The following TAMM41 variants were observed in gnomAD, a reference collection of about 807,000 sequenced individuals.
TAMM41 encodes the protein phosphatidate cytidylyltransferase, mitochondrial.
Under a neutral mutation model 44.1 loss-of-function variants are expected in TAMM41, and 36 were observed. The ratio of observed to expected loss-of-function variants is 0.82; its 90% CI spans 0.63 to 1.08. The LOEUF is 1.08. TAMM41 is among the 50% of genes least tolerant of loss of function. The pLI is 0.00. For missense variants in TAMM41, 417 were observed against 404.3 expected, an observed-to-expected ratio of 1.03 and a Z score of -0.27; for synonymous variants, 164 against 153.1, an observed-to-expected ratio of 1.07 and a Z score of -0.53.
the TAMM41 span, among the ~76,000 whole-genome samples, chr3:11,739,043 C>G: frequency 0.023 from 3,467 of 152,340 alleles, 119 homozygotes; most frequent in African/African-American, 0.079. Flanking sequence ...TCTCTCATGT[C>G]TCCAACATGA....
the TAMM41 span, among the ~76,000 whole-genome samples, chr3:11,763,146 C>A: frequency 7.9e-5 from 12 of 152,154 alleles, no homozygotes; most frequent in Non-Finnish European, 1.6e-4. Context: ...CATCCTCCAC[C>A]TTTTTGTTTT....
intron 3 of TAMM41, among the ~76,000 whole-genome samples, chr3:11,833,860 T>C (rs71304011): frequency 0.011 from 1,651 of 152,318 alleles, 14 homozygotes; most frequent in South Asian, 0.022. Flanking sequence ...ATGGTGATAG[T>C]TGAACTCTGA....
intron 7 of TAMM41, among the ~76,000 whole-genome samples, chr3:11,806,907 C>T (rs779384979): frequency 1.3e-5 from 2 of 151,844 alleles, no homozygotes; most frequent in Non-Finnish European, 1.5e-5. Context: ...GACAACAATC[C>T]TAGAAGTAAA....
the TAMM41 span, among the ~76,000 whole-genome samples, chr3:11,731,006 C>T: frequency 6.6e-6 from 1 of 152,232 alleles, no homozygotes; most frequent in East Asian, 1.9e-4. Context: ...ATTTCCTCAC[C>T]TATATGATGG....
chr3:11,804,926 G>A (rs988238870), intron 7 of TAMM41, among the ~76,000 whole-genome samples: 6 of 149,710 alleles, frequency 4.0e-5, no homozygotes, highest in African/African-American at 1.5e-4. Flanking sequence ...GTGCAGTGGT[G>A]CGTTCTTAGC....
At chr3:11,809,849 G>A (rs1475119853) in intron 5 of TAMM41, 167 bp from the exon 6 acceptor site, 6 of 608,968 alleles carry the variant, frequency 9.9e-6, no homozygotes, top group African/African-American at 5.6e-5. Context: ...GAATGGGTAA[G>A]TGTTCAGGAG....
In TAMM41 at chr3:11,841,429, C is replaced by T. The variant is rs1451401927; in HGVS notation, c.319-2115G>A. On this transcript the variant is annotated intron_variant, in intron 2 of 7. Transcript: ENST00000455809. The stretch of plus-strand genomic sequence containing the variant: ...AATTTGTATAAATCCTGTAGATTTC[C>T]CAGGTTACAAAGTCCCATTTGCATA... Among the ~76,000 whole-genome samples the T allele has an allele frequency of 2.6e-5, 4 of 152,040 alleles. No individual in the cohort carries two copies. The East Asian group carries it at 7.7e-4, about 29-fold the overall frequency.
the TAMM41 span, among the ~76,000 whole-genome samples, chr3:11,773,290 G>C: frequency 6.8e-6 from 1 of 147,916 alleles, no homozygotes; most frequent in African/African-American, 2.5e-5. Context: ...AAGCCCCCAA[G>C]TATTGCTTAT....
chr3:11,784,816 TTGAG>T, the TAMM41 span, among the ~76,000 whole-genome samples: 1 of 131,218 alleles, frequency 7.6e-6, no homozygotes, highest in Non-Finnish European at 1.5e-5. Context: ...TTTTTTTTTT[TTGAG>T]GAGGAGGAGT....
intron 3 of TAMM41, among the ~76,000 whole-genome samples, chr3:11,836,516 T>A (rs1481163685): frequency 2.0e-5 from 3 of 152,290 alleles, no homozygotes; most frequent in Admixed American, 1.3e-4. Flanking sequence ...CAGGCTGGAG[T>A]GCAGTAGCGC....
At chr3:11,729,538 C>CTTTTTTTTTTTTTTTTTTTTTTT in the TAMM41 span, among the ~76,000 whole-genome samples, 20 of 65,540 alleles carry the variant, frequency 3.1e-4, 5 homozygotes, top group African/African-American at 1.1e-3. Flanking sequence ...TTCTTTCTTT[C>CTTTTTTTTTTTTTTTTTTTTTTT]ATTTTTTTTT....
chr3:11,738,480 G>A, the TAMM41 span, among the ~76,000 whole-genome samples: 1 of 152,130 alleles, frequency 6.6e-6, no homozygotes, highest in Non-Finnish European at 1.5e-5. Flanking sequence ...TTTCAAATTG[G>A]CTAATGTTTT....
At chr3:11,741,021 C>G in the TAMM41 span, among the ~76,000 whole-genome samples, 6 of 144,284 alleles carry the variant, frequency 4.2e-5, 1 homozygote, top group African/African-American at 1.7e-4. Flanking sequence ...GAGTTCGAGA[C>G]CAGCCTGGCC....
chr3:11,788,831 G>C (rs1404400139), downstream of TAMM41, among the ~76,000 whole-genome samples: 2 of 152,018 alleles, frequency 1.3e-5, no homozygotes, highest in Admixed American at 6.6e-5. Context: ...CAGCTACTCG[G>C]GACGCTGAAG....
chr3:11,824,446 C>T (rs769280545), intron 4 of TAMM41, among the ~76,000 whole-genome samples: 12 of 143,746 alleles, frequency 8.3e-5, no homozygotes, highest in Non-Finnish European at 1.3e-4. Flanking sequence ...CTGCAACCTT[C>T]GCCCGCCCGG....
At chr3:11,773,948 G>C in the TAMM41 span, among the ~76,000 whole-genome samples, 1 of 152,098 alleles carries the variant, frequency 6.6e-6, no homozygotes, top group African/African-American at 2.4e-5. Flanking sequence ...AATTAGCAGG[G>C]CATGGTGGTG....
At chr3:11,735,048 CA>C in the TAMM41 span, among the ~76,000 whole-genome samples, 21,303 of 107,276 alleles carry the variant, frequency 0.2, 1,937 homozygotes, top group African/African-American at 0.33. Context: ...GACTCTGTCT[CA>C]AAAAAAAAAA....
At chr3:11,742,937 T>C in the TAMM41 span, among the ~76,000 whole-genome samples, 1 of 152,038 alleles carries the variant, frequency 6.6e-6, no homozygotes, top group Non-Finnish European at 1.5e-5. Context: ...TGGGGAGCTC[T>C]CTCCCTTATA....
At chr3:11,790,440 T>C, downstream of TAMM41, 1 of 1,414,196 alleles carries the variant, frequency 7.1e-7, no homozygotes, top group Non-Finnish European at 1.0e-6. Flanking sequence ...TAACAAACAC[T>C]GTTCTGTCAA....
Sources: gnomAD v4.1 joint callset for allele counts (sites outside exome capture counted in the v4.1 genomes callset) on GRCh38, gnomAD v4.1.1 for gene constraint, MANE v1.5 for transcripts, NCBI Gene and HGNC (gene_info 2026-07-23, HGNC 2026-07-21) for gene names.